Variants in MSRB3 observed in about 807,000 individuals in gnomAD.
MSRB3 encodes methionine sulfoxide reductase B3.
Under a neutral mutation model 21.0 loss-of-function variants are expected in MSRB3, and 13 were observed. The observed-to-expected ratio is 0.62, with a 90% CI of 0.40 to 0.98. MSRB3 has a LOEUF of 0.98. MSRB3 is among the 50% of genes least tolerant of loss of function. The pLI is 0.00. For synonymous variants in MSRB3, 87 were observed against 88.6 expected (o/e 0.98, Z 0.10); for missense variants, 199 against 230.3 (o/e 0.86, Z 0.88).
At chr12:65,323,182 G>A (rs1170805784) in intron 2 of MSRB3, among the ~76,000 whole-genome samples, 1 of 152,142 alleles carries the variant, frequency 6.6e-6, no homozygotes, top group Non-Finnish European at 1.5e-5. Context: ...CTTGCTTCAG[G>A]TCACGTGGCT....
At chr12:65,380,120 G>T (rs961962782) in intron 5 of MSRB3, among the ~76,000 whole-genome samples, 5 of 152,190 alleles carry the variant, frequency 3.3e-5, no homozygotes, top group Admixed American at 2.0e-4. Flanking sequence ...TGGGGCAGTT[G>T]CACGGTGGAG....
intron 5 of MSRB3, among the ~76,000 whole-genome samples, chr12:65,427,653 G>T (rs1040814288): frequency 3.0e-4 from 46 of 152,158 alleles, no homozygotes; most frequent in African/African-American, 1.1e-3. Context: ...TCTGGGCTCT[G>T]GGGTGTAATG....
chr12:65,393,630 C>CA lies in MSRB3; in HGVS notation c.292+24628dup, dbSNP rs59417371. Among the ~76,000 whole-genome samples, 791 of 90,014 alleles carry CA rather than the reference C, an allele frequency of 8.8e-3. 7 individuals are homozygous for CA. Among genetic ancestry groups the CA allele is most frequent in the East Asian group, 0.058 (191 of 3,266 alleles). 59.1% of individuals were successfully genotyped at this position (90,014 alleles called of 152,430 possible). A position where few individuals can be genotyped will look rare whatever the true frequency, so the allele number is the denominator to read the frequency against. Reference sequence around the variant, plus strand: ...TGGGCAGTAGAGCGAGACTCCGTCGCAAAAAAAAAAAAAAAAAAAAAAAAT... The same window carrying CA: ...TGGGCAGTAGAGCGAGACTCCGTCGCAAAAAAAAAAAAAAAAAAAAAAAAAT... On this transcript the variant is annotated intron_variant, in intron 5 of 6. Transcript: ENST00000308259.
chr12:65,308,726 A>G, intron 2 of MSRB3, 71 bp downstream of exon 2: 1 of 1,604,164 alleles, frequency 6.2e-7, no homozygotes, highest in Non-Finnish European at 8.5e-7. Flanking sequence ...AGGAAATGAT[A>G]CACCATCATG....
chr12:65,354,129 C>A (rs886388294), intron 4 of MSRB3, among the ~76,000 whole-genome samples: 5 of 151,982 alleles, frequency 3.3e-5, no homozygotes, highest in Admixed American at 1.3e-4. Flanking sequence ...TTGTGGGTAA[C>A]CCGACCTTTC....
chr12:65,361,475 A>G (rs1877701558), intron 4 of MSRB3, among the ~76,000 whole-genome samples: 2 of 152,168 alleles, frequency 1.3e-5, no homozygotes, highest in Admixed American at 6.6e-5. Flanking sequence ...GCCTACACAG[A>G]GCCTGCTTCC....
At chr12:65,426,327 T>A (rs1014505802) in intron 5 of MSRB3, among the ~76,000 whole-genome samples, 2 of 152,166 alleles carry the variant, frequency 1.3e-5, no homozygotes, top group African/African-American at 4.8e-5. Flanking sequence ...TCCTGGGCAT[T>A]CTTGGTTGGC....
chr12:65,377,227 C>CT (rs1878676066), intron 5 of MSRB3, among the ~76,000 whole-genome samples: 7 of 151,812 alleles, frequency 4.6e-5, no homozygotes, highest in Admixed American at 4.6e-4. Context: ...CTCTCCAAGT[C>CT]TGTGAATTTC....
At chr12:65,340,785 A>C (rs985171309) in intron 4 of MSRB3, among the ~76,000 whole-genome samples, 3 of 152,090 alleles carry the variant, frequency 2.0e-5, no homozygotes, top group African/African-American at 7.2e-5. Flanking sequence ...TTTTAACGTA[A>C]GAGAATACTA....
rs1200641778 is a variant in MSRB3, at chr12:65,345,947, G to A, written c.263+17344G>A. ...TTATGGCTGCATGGTATTCCATGGT[G>A]TATATATGTGCCACATCTTGTTAAT... On this transcript the variant is annotated intron_variant, in intron 4 of 6. Coordinates refer to ENST00000308259, the MANE Select transcript of MSRB3 (RefSeq NM_001031679.3). 2.0e-5 allele frequency among the ~76,000 whole-genome samples: 3 copies of A among 152,244 alleles called. No homozygotes were observed. In the East Asian group the frequency reaches 5.8e-4, roughly 29 times the overall value.
chr12:65,407,243 G>A (rs544092113), intron 5 of MSRB3, among the ~76,000 whole-genome samples: 13 of 151,328 alleles, frequency 8.6e-5, no homozygotes, highest in East Asian at 1.9e-4. Flanking sequence ...TTGAAAAACC[G>A]CAATTTTTTT....
chr12:65,430,897 T>G (rs1173455992), intron 5 of MSRB3, among the ~76,000 whole-genome samples: 1 of 152,066 alleles, frequency 6.6e-6, no homozygotes, highest in Non-Finnish European at 1.5e-5. Context: ...TACAGGCAAG[T>G]CTGGTGCCCT....
At chr12:65,312,613 A>G (rs2136428709) in intron 2 of MSRB3, among the ~76,000 whole-genome samples, 1 of 152,186 alleles carries the variant, frequency 6.6e-6, no homozygotes, top group South Asian at 2.1e-4. Context: ...CATATTTAAT[A>G]GTTTCCATGA....
chr12:65,295,970 G>T (rs960300787), intron 1 of MSRB3, among the ~76,000 whole-genome samples: 15 of 152,068 alleles, frequency 9.9e-5, no homozygotes, highest in African/African-American at 3.6e-4. Flanking sequence ...AGCAATATTG[G>T]CAGTTTTAGT....
At chr12:65,287,942 G>A (rs533545568) in intron 1 of MSRB3, among the ~76,000 whole-genome samples, 38 of 151,178 alleles carry the variant, frequency 2.5e-4, no homozygotes, top group Non-Finnish European at 5.3e-4. Context: ...AGTCGTTTAA[G>A]CTTCTTGTGC....
intron 5 of MSRB3, among the ~76,000 whole-genome samples, chr12:65,415,659 G>C (rs913452753): frequency 6.6e-6 from 1 of 152,130 alleles, no homozygotes; most frequent in Non-Finnish European, 1.5e-5. Context: ...ATTGGAATAA[G>C]CATTTGTTGA....
intron 1 of MSRB3, among the ~76,000 whole-genome samples, chr12:65,307,410 A>G (rs910589305): frequency 1.3e-5 from 2 of 152,152 alleles, no homozygotes; most frequent in Non-Finnish European, 2.9e-5. Context: ...ACTGTTTATT[A>G]TATGTTTGTT....
chr12:65,368,226 T>G (rs1258626975), intron 4 of MSRB3, among the ~76,000 whole-genome samples: 1 of 152,230 alleles, frequency 6.6e-6, no homozygotes, highest in Non-Finnish European at 1.5e-5. Context: ...GGTTGGTTCT[T>G]GTATCTTGCT....
chr12:65,404,246 A>G (rs1184519727), intron 5 of MSRB3, among the ~76,000 whole-genome samples: 3 of 152,194 alleles, frequency 2.0e-5, no homozygotes, highest in Non-Finnish European at 4.4e-5. Context: ...GCTCTGGTTA[A>G]CTTTTTTAGT....
Sources: allele counts gnomAD v4.1 joint callset (sites outside exome capture counted in the v4.1 genomes callset), GRCh38; gene constraint gnomAD v4.1.1; transcripts MANE v1.5; gene names NCBI Gene and HGNC (gene_info 2026-07-23, HGNC 2026-07-21).